BSCL2: variants seen among roughly 807,000 people sequenced by gnomAD.
The protein encoded by BSCL2 is BSCL2 lipid droplet biogenesis associated, seipin, also known as seipin.
In BSCL2, 41 loss-of-function variants were observed where a neutral mutation model predicts 57.4. The observed-to-expected ratio is 0.71, with a 90% CI of 0.56 to 0.93. BSCL2 has a LOEUF of 0.93. Ranked by LOEUF, BSCL2 falls within the 40% of genes least tolerant of loss-of-function variation. The probability of loss-of-function intolerance (pLI) is 0.00; values close to 1 mark genes in which losing one functional copy is unlikely to be tolerated. For missense variants in BSCL2, 539 were observed against 586.7 expected (o/e 0.92, Z 0.84); for synonymous variants, 237 against 227.3 (o/e 1.04, Z -0.38).
In BSCL2 at chr11:62,706,550, G is replaced by GC. The variant is rs2083542076; in HGVS notation, c.87+558dup. On this transcript the variant is annotated intron_variant, in intron 1 of 10. Coordinates refer to ENST00000360796, the MANE Select transcript of BSCL2 (RefSeq NM_001122955.4). ...GGCCCCAAGATGTGCCCCAGGGGAT[G>GC]CGCTGACTGCAGCCTCCGCTCGGCT... 9.1e-5 allele frequency: 42 copies of GC among 461,208 alleles called. 1 individual carries two copies. Among genetic ancestry groups the GC allele is most frequent in the South Asian group, 6.5e-4 (42 of 64,416 alleles). The allele number at this position is 461,208 out of a possible 1,614,324, so 28.6% of individuals were successfully genotyped here.
chr11:62,706,329 G>A (rs1295724167), intron 1 of BSCL2: 4 of 1,123,444 alleles, frequency 3.6e-6, no homozygotes, highest in Non-Finnish European at 4.4e-6. Flanking sequence ...GCCCCTCTCC[G>A]CCGGCCGCTT....
intron 4 of BSCL2, among the ~76,000 whole-genome samples, chr11:62,693,705 G>A (rs1157462473): frequency 6.6e-6 from 1 of 152,112 alleles, no homozygotes; most frequent in Admixed American, 6.6e-5. Flanking sequence ...TGGCTCTAAA[G>A]CCTGTTTTCT....
intron 2 of BSCL2, 47 bp downstream of exon 2, chr11:62,705,254 T>G (rs2083507526): frequency 6.5e-7 from 1 of 1,535,238 alleles, no homozygotes; most frequent in African/African-American, 1.4e-5. Flanking sequence ...CCAAGGGCCT[T>G]ACAATTCCCA....
chr11:62,698,009 G>A (rs1945526296), intron 3 of BSCL2, among the ~76,000 whole-genome samples: 2 of 149,578 alleles, frequency 1.3e-5, no homozygotes, highest in East Asian at 2.0e-4. Flanking sequence ...CCGGGTTCAC[G>A]CCATTCTCCT....
Position 62,692,671 on chromosome 11 carries a change from C to T in BSCL2, c.757G>A (p.Glu253Lys). 1 of 1,614,120 alleles carries T rather than the reference C, an allele frequency of 6.2e-7. No homozygotes were observed. The change falls in exon 5 of 11, where the codon GAG (glutamate) becomes AAG (lysine). Residue 253 changes from glutamate (E) to lysine (K), a missense_variant. Around this residue, in one of 3 missense-constraint regions of BSCL2, gnomAD observed 73 missense variants for 122.0 expected, o/e 0.60. Coordinates refer to ENST00000360796, the MANE Select transcript of BSCL2 (RefSeq NM_001122955.4). ...TCGTTCACCTCACTCACCGAGTTCT[C>T]TCTATAGTCTGCGTAGAGTTCCACC... is the stretch of plus-strand genomic sequence containing the variant. The part of the protein sequence containing the change: ...LEVELYADYR[E>K]NSYVPTTGAI...
At chr11:62,697,769 G>A (rs1437291689) in intron 3 of BSCL2, among the ~76,000 whole-genome samples, 1 of 150,512 alleles carries the variant, frequency 6.6e-6, no homozygotes, top group Non-Finnish European at 1.5e-5. Context: ...ACTCCAGCCT[G>A]GGCAACAGAG....
intron 3 of BSCL2, among the ~76,000 whole-genome samples, chr11:62,697,238 C>CA (rs1309268598): frequency 2.7e-5 from 4 of 149,658 alleles, no homozygotes; most frequent in African/African-American, 9.8e-5. Context: ...ACTGAAAATA[C>CA]AAAAAAATTA....
Position 62,690,382 on chromosome 11 carries a change from G to C in BSCL2, c.1374C>G (p.Thr458=). The change falls in exon 11 of 11, where the codon ACC becomes ACG. Residue 458 remains threonine (T), a synonymous_variant. Coordinates refer to ENST00000360796, the MANE Select transcript of BSCL2 (RefSeq NM_001122955.4). The part of the protein sequence containing the change: ...PAGGALRQRP[T]CSSS ...CCCCTTTTCTTCAGGAACTAGAGCA[G>C]GTGGGGCGCTGTCGGAGAGCACCCC... 6.2e-7 allele frequency: 1 copy of C among 1,614,080 alleles called. No homozygotes were observed. The highest frequency in any genetic ancestry group is 8.5e-7 in the Non-Finnish European group (1 of 1,180,038).
In BSCL2 at chr11:62,692,401, T is replaced by C. The variant is rs1262421817; in HGVS notation, c.838A>G (p.Ile280Val). The C allele has an allele frequency of 1.9e-6, 3 of 1,614,046 alleles. No homozygotes were observed. The highest frequency in any genetic ancestry group is 2.5e-6 in the Non-Finnish European group (3 of 1,180,042). The change falls in exon 6 of 11, where the codon ATC becomes GTC. Residue 280 changes from isoleucine to valine, a missense_variant. By Grantham distance (29) the Ile-to-Val change is conservative. Transcript: ENST00000360796. Reference sequence around the variant, plus strand: ...CTGAGCCCAGTGAAGTGCGCGTGGATGCGGAGGTAGGCTCCATACAGCTGG... The same window carrying C: ...CTGAGCCCAGTGAAGTGCGCGTGGACGCGGAGGTAGGCTCCATACAGCTGG... Reference protein sequence around the residue: ...RIQLYGAYLRIHAHFTGLRYL... With the variant: ...RIQLYGAYLRVHAHFTGLRYL...
intron 2 of BSCL2, 52 bp from the exon 3 acceptor site, chr11:62,702,601 C>A: frequency 6.6e-7 from 1 of 1,510,728 alleles, no homozygotes. Context: ...ACTAGTCCAT[C>A]CATACACCTT....
chr11:62,708,913 C>A, upstream of BSCL2: 1 of 823,500 alleles, frequency 1.2e-6, no homozygotes, highest in Non-Finnish European at 2.0e-6. Context: ...CATCCCTAAC[C>A]CTTGCCTGAC....
upstream of BSCL2, chr11:62,709,426 C>G (rs2083596305): frequency 2.2e-6 from 1 of 453,618 alleles, no homozygotes; most frequent in Non-Finnish European, 4.4e-6. Flanking sequence ...AAACGTGCAA[C>G]GAAGCCAAGT....
rs749324787 is a variant in BSCL2 at position 62,702,459 on chromosome 11, C to G, written c.486+9G>C. On this transcript the variant is annotated intron_variant, in intron 3 of 10. Transcript: ENST00000360796. ...TCTAATGAAACCTCTCTCTAGTTCC[C>G]ATACTCACCCGATCACGTCCACCCT... 1.2e-6 allele frequency: 2 copies of G among 1,608,266 alleles called. No individual in the cohort carries two copies. The highest frequency in any genetic ancestry group is 2.2e-5 in the South Asian group (2 of 90,934).
At chr11:62,706,094 C>T (rs2083526415) in intron 1 of BSCL2, 1 of 484,084 alleles carries the variant, frequency 2.1e-6, no homozygotes, top group Non-Finnish European at 2.8e-6. Context: ...GCAGAGCTCG[C>T]TCACCGACAC....
rs1196120956 is a variant in BSCL2, at chr11:62,692,805, G to A, written c.631-8C>T. On this transcript the variant is annotated splice_region_variant and splice_polypyrimidine_tract_variant and intron_variant, in intron 4 of 10. Coordinates refer to ENST00000360796, the MANE Select transcript of BSCL2 (RefSeq NM_001122955.4). ...GCGGTAATGCAGCATCACCTGCCGG[G>A]GGTGGGAAGCAGAGGCTGGGGACAG... 5 of 1,612,810 alleles carry A rather than the reference G, an allele frequency of 3.1e-6. No homozygotes were observed. The highest frequency in any genetic ancestry group is 4.2e-6 in the Non-Finnish European group (5 of 1,179,966).
chr11:62,708,730 A>G (rs2134753545), upstream of BSCL2: 1 of 1,614,058 alleles, frequency 6.2e-7, no homozygotes, highest in East Asian at 2.2e-5. Context: ...CACGCCTGTG[A>G]GGATCCCCTC....
At chr11:62,701,470 A>T (rs1945636811) in intron 3 of BSCL2, among the ~76,000 whole-genome samples, 1 of 152,224 alleles carries the variant, frequency 6.6e-6, no homozygotes, top group African/African-American at 2.4e-5. Flanking sequence ...AGTTGATTAC[A>T]ATCATCTAAC....
At chr11:62,706,849 T>A (rs778954771) in intron 1 of BSCL2, 18 of 598,446 alleles carry the variant, frequency 3.0e-5, no homozygotes, top group African/African-American at 7.4e-5. Flanking sequence ...CTGGATACAC[T>A]CTCCCTCAGA....
At position 62,690,308 on chromosome 11, in the gene BSCL2, A is replaced by G. The variant is rs764649212; in HGVS notation, c.*59T>C. 3.7e-6 allele frequency: 6 copies of G among 1,611,078 alleles called. No homozygotes were observed. Among genetic ancestry groups the G allele is most frequent in the Non-Finnish European group, 5.1e-6 (6 of 1,178,590 alleles). On this transcript the variant is annotated 3_prime_UTR_variant, in exon 11 of 11. Transcript: ENST00000360796. ...CACAAAATAGTTTATTGAAGGAAAA[A>G]CGAGGGGAGAGGAGTCAGGTGGGAA...
Sources: gnomAD v4.1 joint callset for allele counts (sites outside exome capture counted in the v4.1 genomes callset) on GRCh38, gnomAD v4.1.1 for gene constraint, gnomAD v4.1.1 regional missense constraint, MANE v1.5 for transcripts, NCBI Gene and HGNC (gene_info 2026-07-23, HGNC 2026-07-21) for gene names.